The following CIB1 variants were observed in gnomAD, a reference collection of about 807,000 sequenced individuals.
The protein encoded by CIB1 is calcium and integrin-binding protein 1.
A neutral mutation model predicts 25.0 loss-of-function variants in CIB1; 19 were observed. The ratio of observed to expected loss-of-function variants is 0.76; its 90% CI spans 0.53 to 1.12. The LOEUF (loss-of-function observed/expected upper bound fraction) is 1.12, where lower values mean the gene tolerates loss of function less well. CIB1 is among the 50% of genes most tolerant of loss of function. CIB1 has a pLI of 0.00. For missense variants in CIB1, 236 were observed against 242.6 expected, an observed-to-expected ratio of 0.97 and a Z score of 0.18; for synonymous variants, 104 against 98.5, an observed-to-expected ratio of 1.06 and a Z score of -0.33.
At chr15:90,239,305 A>ATGTG in the CIB1 span, among the ~76,000 whole-genome samples, 9,167 of 147,912 alleles carry the variant, frequency 0.062, 291 homozygotes, top group Non-Finnish European at 0.075. Context: ...GAGACATAAA[A>ATGTG]TGTGTGTGTG....
At chr15:90,233,957 C>A, upstream of CIB1, 4 of 1,418,736 alleles carry the variant, frequency 2.8e-6, no homozygotes, top group Non-Finnish European at 3.7e-6. Flanking sequence ...CGCCCTTGGG[C>A]CGCGTCACTG....
chr15:90,253,222 G>A, the CIB1 span: 1 of 1,587,386 alleles, frequency 6.3e-7, no homozygotes, highest in African/African-American at 1.3e-5. Context: ...GTCCATGCTG[G>A]CACTACTGAT....
At chr15:90,241,247 G>C in the CIB1 span, 2 of 1,614,206 alleles carry the variant, frequency 1.2e-6, no homozygotes, top group Non-Finnish European at 1.7e-6. Flanking sequence ...AGACCATCAA[G>C]AGTGTGAGGC....
chr15:90,235,699 C>T (rs1173583528), upstream of CIB1, among the ~76,000 whole-genome samples: 1 of 151,830 alleles, frequency 6.6e-6, no homozygotes, highest in Non-Finnish European at 1.5e-5. Flanking sequence ...TCCCCAGCAG[C>T]TGGGACTACA....
chr15:90,264,899 CTCT>C, the CIB1 span: 1 of 1,536,126 alleles, frequency 6.5e-7, no homozygotes, highest in Non-Finnish European at 8.7e-7. Flanking sequence ...CAAGGTTCCC[CTCT>C]GCCCTGCGTC....
the CIB1 span, chr15:90,240,786 C>T: frequency 7.3e-6 from 5 of 684,204 alleles, no homozygotes; most frequent in Non-Finnish European, 1.2e-5. Flanking sequence ...TGCACTCCAG[C>T]CTGGGTGACA....
the CIB1 span, among the ~76,000 whole-genome samples, chr15:90,246,787 CAAAAAAAAAAAAAAAAAAAAAAAAA>C: frequency 8.0e-4 from 36 of 45,250 alleles, no homozygotes; most frequent in African/African-American, 1.5e-3. Context: ...GACTCTGTCT[CAAAAAAAAAAAAAAAAAAAAAAAAA>C]AAAAAAAAAA....
the CIB1 span, chr15:90,263,380 AT>A: frequency 5.9e-6 from 3 of 512,474 alleles, no homozygotes; most frequent in South Asian, 6.1e-5. Context: ...AAACCTTCTC[AT>A]TTACAGGAAA....
chr15:90,233,419 C>T (rs1484337034), intron 2 of CIB1, among the ~76,000 whole-genome samples: 2 of 152,262 alleles, frequency 1.3e-5, no homozygotes, highest in Admixed American at 6.5e-5. Flanking sequence ...GCTAGTGGAG[C>T]CCAGGGTCAA....
chr15:90,265,698 C>G, the CIB1 span: 2 of 1,613,124 alleles, frequency 1.2e-6, no homozygotes, highest in Non-Finnish European at 8.5e-7. Context: ...CTGCTGAAGG[C>G]TGGTTTGCGT....
At chr15:90,253,299 G>T in the CIB1 span, 1 of 1,613,890 alleles carries the variant, frequency 6.2e-7, no homozygotes, top group African/African-American at 1.3e-5. Flanking sequence ...GGAGGATGAA[G>T]AGTGGACTCT....
the CIB1 span, chr15:90,258,631 C>T: frequency 1.2e-5 from 11 of 927,980 alleles, no homozygotes; most frequent in African/African-American, 3.3e-5. Flanking sequence ...CCAGCCTCCC[C>T]GGCTGAGGCC....
the CIB1 span, chr15:90,244,843 T>C: frequency 1.3e-5 from 2 of 152,074 alleles, no homozygotes; most frequent in Admixed American, 6.6e-5. Context: ...CATAAAGTCT[T>C]GGGTCCAGCT....
chr15:90,242,895 G>A, the CIB1 span: 1 of 152,198 alleles, frequency 6.6e-6, no homozygotes, highest in African/African-American at 2.4e-5. Context: ...TTAAAGGGGA[G>A]AAAGATAATG....
intron 2 of CIB1, 101 bp downstream of exon 2, chr15:90,233,568 G>C: frequency 7.0e-7 from 1 of 1,426,262 alleles, no homozygotes; most frequent in Non-Finnish European, 9.7e-7. Flanking sequence ...CCGCTCCTCT[G>C]CAGACCTCAG....
the CIB1 span, chr15:90,262,881 T>A: frequency 7.2e-7 from 1 of 1,390,840 alleles, no homozygotes; most frequent in Non-Finnish European, 9.6e-7. Context: ...GAGGGTAGAG[T>A]GGGCAGGAGG....
At chr15:90,256,136 C>T in the CIB1 span, 2 of 1,613,948 alleles carry the variant, frequency 1.2e-6, no homozygotes, top group Non-Finnish European at 8.5e-7. Context: ...CCTCTCTGCA[C>T]ATAGCTATGG....
the CIB1 span, chr15:90,256,119 A>G: frequency 6.2e-7 from 1 of 1,611,840 alleles, no homozygotes; most frequent in Middle Eastern, 1.7e-4. Context: ...AAACCTTTTG[A>G]CCAGGCCCTC....
chr15:90,231,512 G>A lies in CIB1; in HGVS notation c.196-5C>T, dbSNP rs1209622101. 2 of 1,612,570 alleles carry A rather than the reference G, an allele frequency of 1.2e-6. No homozygotes were observed. Among genetic ancestry groups the A allele is most frequent in the Non-Finnish European group, 1.7e-6 (2 of 1,179,538 alleles). Reference sequence around the variant, plus strand: ...TCGCTCCTTGAAGGGGTTGGCCTAGGAGAACAAACGCCACAGGACGTGGCC... The same window carrying A: ...TCGCTCCTTGAAGGGGTTGGCCTAGAAGAACAAACGCCACAGGACGTGGCC... On this transcript the variant is annotated splice_polypyrimidine_tract_variant and splice_region_variant and intron_variant, in intron 3 of 6. Transcript: ENST00000328649.
Sources: allele counts gnomAD v4.1 joint callset (sites outside exome capture counted in the v4.1 genomes callset), GRCh38; gene constraint gnomAD v4.1.1; transcripts MANE v1.5; gene names NCBI Gene and HGNC (gene_info 2026-07-23, HGNC 2026-07-21).